The following GALNTL6 variants were observed in gnomAD, a reference collection of about 807,000 sequenced individuals.
GALNTL6 encodes the protein polypeptide N-acetylgalactosaminyltransferase-like 6.
A neutral mutation model predicts 73.7 loss-of-function variants in GALNTL6; 46 were observed. The observed-to-expected ratio is 0.62, with a 90% CI of 0.49 to 0.80. GALNTL6 has a LOEUF of 0.80. Ranked by LOEUF, GALNTL6 falls within the 30% of genes least tolerant of loss-of-function variation. The pLI is 0.00. For missense variants in GALNTL6, 604 were observed against 755.0 expected, an observed-to-expected ratio of 0.80 and a Z score of 2.34; for synonymous variants, 259 against 263.7, an observed-to-expected ratio of 0.98 and a Z score of 0.17.
At chr4:172,437,397 AT>A (rs1223008024) in intron 5 of GALNTL6, among the ~76,000 whole-genome samples, 1 of 152,084 alleles carries the variant, frequency 6.6e-6, no homozygotes, top group African/African-American at 2.4e-5. Flanking sequence ...GAAATTATGC[AT>A]TTGTGAGGAC....
intron 5 of GALNTL6, among the ~76,000 whole-genome samples, chr4:172,439,170 CT>C (rs1731740558): frequency 3.0e-5 from 2 of 67,460 alleles, no homozygotes; most frequent in African/African-American, 1.3e-4. Context: ...TCTCTCTCCC[CT>C]TCACACACAC....
In GALNTL6 at chr4:171,988,609, G is replaced by A. The variant is rs570233345; in HGVS notation, c.138+173891G>A. The stretch of plus-strand genomic sequence containing the variant: ...ACGGGGTGGATAGGCAAAACAATTC[G>A]GTTGATAAGGCACAGATTCTGAACT... On this transcript the variant is annotated intron_variant, in intron 2 of 12. Coordinates refer to ENST00000506823, the MANE Select transcript of GALNTL6 (RefSeq NM_001034845.3). Among the ~76,000 whole-genome samples, 70 of 152,262 alleles carry A rather than the reference G, an allele frequency of 4.6e-4. 1 individual carries two copies. In the South Asian group the frequency reaches 0.012, roughly 27 times the overall value.
chr4:172,867,404 G>A (rs886420565), intron 7 of GALNTL6, among the ~76,000 whole-genome samples: 3 of 152,188 alleles, frequency 2.0e-5, no homozygotes, highest in Admixed American at 1.3e-4. Context: ...TCAGAAAACC[G>A]AAGAGGGCTG....
At chr4:172,389,277 T>G (rs1743579848) in intron 5 of GALNTL6, among the ~76,000 whole-genome samples, 1 of 151,944 alleles carries the variant, frequency 6.6e-6, no homozygotes, top group Admixed American at 6.6e-5. Flanking sequence ...TCAAAATGTT[T>G]TAAAAATAAC....
intron 5 of GALNTL6, among the ~76,000 whole-genome samples, chr4:172,415,852 CACA>C (rs1730811359): frequency 6.6e-6 from 1 of 152,096 alleles, no homozygotes; most frequent in African/African-American, 2.4e-5. Context: ...CAAGGATTTT[CACA>C]ACGCTTTTCC....
chr4:171,998,995 A>G (rs560953276), intron 2 of GALNTL6, among the ~76,000 whole-genome samples: 1 of 152,212 alleles, frequency 6.6e-6, no homozygotes, highest in Admixed American at 6.5e-5. Flanking sequence ...GGAAGAAGGA[A>G]TTGTACTTTC....
intron 5 of GALNTL6, among the ~76,000 whole-genome samples, chr4:172,358,476 G>T (rs1161405895): frequency 6.6e-6 from 1 of 152,148 alleles, no homozygotes; most frequent in African/African-American, 2.4e-5. Context: ...ACACAAATTC[G>T]TAGAGTTTCT....
At chr4:172,946,123 G>T (rs1749153272) in intron 9 of GALNTL6, among the ~76,000 whole-genome samples, 1 of 86,426 alleles carries the variant, frequency 1.2e-5, no homozygotes, top group African/African-American at 4.9e-5. Context: ...TGGGGAAAAA[G>T]CGTGTGTGTG....
At chr4:171,843,586 C>A (rs1735295919) in intron 2 of GALNTL6, among the ~76,000 whole-genome samples, 1 of 152,030 alleles carries the variant, frequency 6.6e-6, no homozygotes, top group Non-Finnish European at 1.5e-5. Context: ...CGCAAATGGG[C>A]AAACTTTGCA....
At chr4:172,306,681 A>C (rs1324765078) in intron 3 of GALNTL6, among the ~76,000 whole-genome samples, 1 of 152,150 alleles carries the variant, frequency 6.6e-6, no homozygotes, top group Admixed American at 6.5e-5. Context: ...TCCTCATATC[A>C]TAGCTCCCAC....
intron 3 of GALNTL6, among the ~76,000 whole-genome samples, chr4:172,245,098 A>C (rs550726692): frequency 6.6e-6 from 1 of 152,152 alleles, no homozygotes; most frequent in African/African-American, 2.4e-5. Context: ...TTGGAATACA[A>C]ATTATTGAGT....
intron 2 of GALNTL6, among the ~76,000 whole-genome samples, chr4:171,901,210 T>C (rs1429093764): frequency 1.3e-5 from 2 of 152,114 alleles, no homozygotes; most frequent in African/African-American, 4.8e-5. Flanking sequence ...CAGACTATAT[T>C]TAAGAAGATT....
At chr4:172,845,203 C>T (rs1215189104) in intron 7 of GALNTL6, among the ~76,000 whole-genome samples, 11 of 128,182 alleles carry the variant, frequency 8.6e-5, no homozygotes, top group Admixed American at 2.8e-4. Flanking sequence ...GGTGGCAGAG[C>T]GAGTCTCTGT....
chr4:172,050,482 G>T (rs1242861762), intron 2 of GALNTL6, among the ~76,000 whole-genome samples: 1 of 152,138 alleles, frequency 6.6e-6, no homozygotes, highest in Admixed American at 6.6e-5. Context: ...GGGCAGAAAA[G>T]AACTTTAGCT....
chr4:172,222,641 T>C (rs1277562949), intron 2 of GALNTL6, among the ~76,000 whole-genome samples: 1 of 151,944 alleles, frequency 6.6e-6, no homozygotes, highest in Non-Finnish European at 1.5e-5. Context: ...TACGAGCCTG[T>C]GTTGTCAATG....
intron 5 of GALNTL6, among the ~76,000 whole-genome samples, chr4:172,450,999 T>C (rs1579082995): frequency 6.6e-6 from 1 of 152,342 alleles, no homozygotes; most frequent in Middle Eastern, 3.4e-3. Context: ...GTGCTCTGGA[T>C]GTCAGGGAAT....
chr4:172,161,874 T>G (rs1013252916), intron 2 of GALNTL6, among the ~76,000 whole-genome samples: 18 of 151,922 alleles, frequency 1.2e-4, no homozygotes, highest in African/African-American at 4.1e-4. Flanking sequence ...GGCAAAGATG[T>G]TCTAGAAAAA....
intron 2 of GALNTL6, among the ~76,000 whole-genome samples, chr4:172,059,656 G>T (rs1444745403): frequency 6.6e-6 from 1 of 152,124 alleles, no homozygotes; most frequent in Non-Finnish European, 1.5e-5. Flanking sequence ...ATGATTCTCA[G>T]ATTTTAAAAA....
At chr4:171,996,843 G>T (rs1040886533) in intron 2 of GALNTL6, among the ~76,000 whole-genome samples, 1 of 151,712 alleles carries the variant, frequency 6.6e-6, no homozygotes, top group African/African-American at 2.4e-5. Context: ...GAACAAGCTT[G>T]CTTTAAAGTA....
Sources: gnomAD v4.1 joint callset for allele counts (sites outside exome capture counted in the v4.1 genomes callset) on GRCh38, gnomAD v4.1.1 for gene constraint, MANE v1.5 for transcripts, NCBI Gene and HGNC (gene_info 2026-07-23, HGNC 2026-07-21) for gene names.